Variants in CSN1S1 observed in about 807,000 individuals in gnomAD.
The protein encoded by CSN1S1 is casein alpha s1.
Under a neutral mutation model 49.1 loss-of-function variants are expected in CSN1S1, and 63 were observed. That is an observed-to-expected ratio of 1.28 (90% confidence interval 1.05 to 1.58). The LOEUF is 1.58. Ranked by LOEUF, CSN1S1 falls within the 40% of genes most tolerant of loss-of-function variation. The probability of loss-of-function intolerance (pLI) is 0.00; values close to 1 mark genes in which losing one functional copy is unlikely to be tolerated. For missense variants in CSN1S1, 260 were observed against 224.7 expected (o/e 1.16, Z -1.01); for synonymous variants, 78 against 67.1 (o/e 1.16, Z -0.79).
chr4:69,935,293 C>T (rs1351014628), intron 4 of CSN1S1, among the ~76,000 whole-genome samples: 1 of 151,386 alleles, frequency 6.6e-6, no homozygotes, highest in African/African-American at 2.4e-5. Flanking sequence ...AATCCCAACA[C>T]TTTGGGAGGC....
At chr4:69,939,032 A>G (rs916817592) in intron 9 of CSN1S1, 144 bp from the exon 10 acceptor site, 4 of 486,000 alleles carry the variant, frequency 8.2e-6, no homozygotes, top group Non-Finnish European at 1.5e-5. Flanking sequence ...AGAAAATACA[A>G]TGTAGTACGC....
At chr4:69,933,387 T>C (rs561507345) in intron 2 of CSN1S1, among the ~76,000 whole-genome samples, 1 of 151,968 alleles carries the variant, frequency 6.6e-6, no homozygotes, top group African/African-American at 2.4e-5. Flanking sequence ...AAGAAAAATT[T>C]CTGAAATGCA....
intron 9 of CSN1S1, 82 bp downstream of exon 9, chr4:69,937,905 T>TGCCTGGGGA (rs1722843894): frequency 2.2e-6 from 2 of 925,090 alleles, no homozygotes; most frequent in Non-Finnish European, 3.1e-6. Context: ...AAAAAGACTG[T>TGCCTGGGGA]CTTCTGAAAT....
Position 69,946,209 on chromosome 4 carries a change from T to C in CSN1S1, c.*13T>C. On this transcript the variant is annotated 3_prime_UTR_variant, in exon 16 of 16. Transcript: ENST00000246891. Reference sequence around the variant, plus strand: ...TTCTATTTACAGATATGATTGAAAATTTCATTCTCTGAATTTCTCCTCTCA... The same window carrying C: ...TTCTATTTACAGATATGATTGAAAACTTCATTCTCTGAATTTCTCCTCTCA... 1 of 543,258 alleles carries C rather than the reference T, an allele frequency of 1.8e-6. No individual in the cohort carries two copies. The highest frequency in any genetic ancestry group is 3.4e-6 in the Non-Finnish European group (1 of 292,750). 33.7% of individuals were successfully genotyped at this position (543,258 alleles called of 1,614,324 possible).
intron 7 of CSN1S1, 137 bp from the exon 8 acceptor site, chr4:69,936,984 A>G: frequency 4.3e-6 from 3 of 691,712 alleles, no homozygotes; most frequent in Non-Finnish European, 7.3e-6. Context: ...TTCTTTAACC[A>G]TAACATCTTT....
intron 9 of CSN1S1, 54 bp downstream of exon 9, chr4:69,937,877 T>C (rs1722842342): frequency 1.7e-6 from 2 of 1,208,910 alleles, no homozygotes; most frequent in African/African-American, 1.6e-5. Flanking sequence ...ACATAGTATA[T>C]GCAGCATGCT....
intron 11 of CSN1S1, 73 bp downstream of exon 11, chr4:69,940,117 A>T (rs867480554): frequency 0.048 from 14,324 of 297,222 alleles, 496 homozygotes; most frequent in Middle Eastern, 0.077. Flanking sequence ...ACTTTCACAC[A>T]CACACACACA....
intron 10 of CSN1S1, 69 bp downstream of exon 10, chr4:69,939,277 G>T (rs988608915): frequency 7.0e-6 from 8 of 1,146,700 alleles, no homozygotes; most frequent in Non-Finnish European, 1.0e-5. Flanking sequence ...GTACCGTGAG[G>T]ATTACATATC....
rs1440582910 is a variant in CSN1S1 at position 69,932,674 on chromosome 4, A to G, written c.51+68A>G. 5 of 1,329,762 alleles carry G rather than the reference A, an allele frequency of 3.8e-6. No homozygotes were observed. The African/African-American group carries it at 5.8e-5, about 15-fold the overall frequency. The allele number at this position is 1,329,762 out of a possible 1,614,324, so 82.4% of individuals were successfully genotyped here. A position where few individuals can be genotyped will look rare whatever the true frequency, so the allele number is the denominator to read the frequency against. ...GAAATGACCTGACACTTCATCAAAC[A>G]TAGGATACCCAGAGAAATAATCTTA... On this transcript the variant is annotated intron_variant, in intron 2 of 15. Transcript: ENST00000246891.
intron 2 of CSN1S1, 48 bp from the exon 3 acceptor site, chr4:69,934,164 T>C (rs754219873): frequency 7.0e-7 from 1 of 1,428,810 alleles, no homozygotes; most frequent in East Asian, 2.3e-5. Context: ...ATTGTTATTG[T>C]CATTTTAGTT....
At position 69,944,942 on chromosome 4, in the gene CSN1S1, C is replaced by G; in HGVS notation, c.495C>G (p.Ser165=). 6.2e-7 allele frequency: 1 copy of G among 1,612,922 alleles called. No individual in the cohort carries two copies. Among genetic ancestry groups the G allele is most frequent in the Non-Finnish European group, 8.5e-7 (1 of 1,179,276 alleles). Residue 165 remains serine (S), a synonymous_variant, in exon 15 of 16, where the codon TCC becomes TCG. Transcript: ENST00000246891. Reference sequence around the variant, plus strand: ...AGTATGTTCCTTTCCCACCGTTTTCCGACATCTCCAATCCCACTGCTCATG... The same window carrying G: ...AGTATGTTCCTTTCCCACCGTTTTCGGACATCTCCAATCCCACTGCTCATG... The part of the protein sequence containing the change: ...IMQYVPFPPF[S]DISNPTAHEN...
chr4:69,932,567 C>CATT lies in CSN1S1; in HGVS notation c.13_15dup (p.Ile5dup), dbSNP rs766955422. On this transcript the variant is annotated inframe_insertion, in exon 2 of 16. Coordinates refer to ENST00000246891, the MANE Select transcript of CSN1S1 (RefSeq NM_001890.2). The stretch of plus-strand genomic sequence containing the variant: ...AGGCTCTGATAACCATGAGGCTTCT[C>CATT]ATTCTCACCTGTCTTGTGGCTGTTG... The CATT allele has an allele frequency of 1.4e-5, 22 of 1,603,654 alleles. No homozygotes were observed. The African/African-American group carries it at 1.6e-4, about 12-fold the overall frequency.
intron 14 of CSN1S1, among the ~76,000 whole-genome samples, chr4:69,943,846 T>C (rs965601071): frequency 1.3e-5 from 2 of 152,148 alleles, no homozygotes; most frequent in Admixed American, 6.6e-5. Context: ...ACTCCTATGA[T>C]AATAGCATTA....
At chr4:69,944,043 C>A (rs1723069967) in intron 14 of CSN1S1, among the ~76,000 whole-genome samples, 1 of 151,850 alleles carries the variant, frequency 6.6e-6, no homozygotes, top group Non-Finnish European at 1.5e-5. Flanking sequence ...CTATTAAGAA[C>A]AGGGCCAGTT....
chr4:69,931,819 T>G (rs1722615880), intron 1 of CSN1S1, among the ~76,000 whole-genome samples: 1 of 151,890 alleles, frequency 6.6e-6, no homozygotes, highest in Non-Finnish European at 1.5e-5. Context: ...ATTTTCCCAG[T>G]ACATGTGGAT....
chr4:69,941,298 G>A (rs1722962274), intron 12 of CSN1S1, among the ~76,000 whole-genome samples: 1 of 151,684 alleles, frequency 6.6e-6, no homozygotes, highest in Non-Finnish European at 1.5e-5. Flanking sequence ...ACTAACCAGG[G>A]AGAAAGTGAC....
rs770730651 is a variant in CSN1S1, at chr4:69,941,022, C to A, written c.304C>A (p.Gln102Lys). Residue 102 changes from glutamine (Q) to lysine (K), a missense_variant, in exon 12 of 16, where the codon CAG becomes AAG. By Grantham distance (53) the Gln-to-Lys change is moderately conservative. Transcript: ENST00000246891. Reference sequence around the variant, plus strand: ...GAATATTTTTCTTTTTAAATAGGAACAGTTTTGTAGACTGAACGAATACAA... The same window carrying A: ...GAATATTTTTCTTTTTAAATAGGAAAAGTTTTGTAGACTGAACGAATACAA... ...EEMSLSKCAE[Q>K]FCRLNEYNQL... The A allele has an allele frequency of 2.0e-6, 3 of 1,507,196 alleles. No homozygotes were observed. Among genetic ancestry groups the A allele is most frequent in the Non-Finnish European group, 2.7e-6 (3 of 1,103,838 alleles). 93.4% of individuals were successfully genotyped at this position (1,507,196 alleles called of 1,614,324 possible). A position where few individuals can be genotyped will look rare whatever the true frequency, so the allele number is the denominator to read the frequency against.
intron 5 of CSN1S1, 36 bp downstream of exon 5, chr4:69,935,985 AC>A (rs1259983785): frequency 6.7e-7 from 1 of 1,491,500 alleles, no homozygotes; most frequent in East Asian, 2.5e-5. Flanking sequence ...CGTGCAATTA[AC>A]AAAGAGAAGT....
chr4:69,942,476 G>A lies in CSN1S1; in HGVS notation c.361-60G>A, dbSNP rs765772073. 72 of 1,280,230 alleles carry A rather than the reference G, an allele frequency of 5.6e-5. No homozygotes were observed. In the African/African-American group the frequency reaches 9.4e-4, roughly 17 times the overall value. The allele number at this position is 1,280,230 out of a possible 1,614,324, so 79.3% of individuals were successfully genotyped here. On this transcript the variant is annotated intron_variant, in intron 13 of 15. Transcript: ENST00000246891. ...TATGTATACTTCTGGTGCAATGTAA[G>A]ATAAATGTGTTGTACCAGAAGATGT...
Sources: gnomAD v4.1 joint callset for allele counts (sites outside exome capture counted in the v4.1 genomes callset) on GRCh38, gnomAD v4.1.1 for gene constraint, MANE v1.5 for transcripts, NCBI Gene and HGNC (gene_info 2026-07-23, HGNC 2026-07-21) for gene names.